GAPVD1: variants seen among roughly 807,000 people sequenced by gnomAD.
The protein encoded by GAPVD1 is GTPase activating protein and VPS9 domains 1.
In GAPVD1, 35 loss-of-function variants were observed where a neutral mutation model predicts 155.5. The ratio of observed to expected loss-of-function variants is 0.23; its 90% CI spans 0.17 to 0.30. The LOEUF (loss-of-function observed/expected upper bound fraction) is 0.30, where lower values mean the gene tolerates loss of function less well. GAPVD1 is among the 10% of genes least tolerant of loss of function. The pLI, the probability that GAPVD1 is intolerant of heterozygous loss-of-function variation, is 1.00. For synonymous variants in GAPVD1, 636 were observed against 619.7 expected, an observed-to-expected ratio of 1.03 and a Z score of -0.39; for missense variants, 1,429 against 1,775.7, an observed-to-expected ratio of 0.80 and a Z score of 3.51.
chr9:125,308,715 G>A (rs1415794110), intron 8 of GAPVD1: 1 of 152,208 alleles, frequency 6.6e-6, no homozygotes, highest in Non-Finnish European at 1.5e-5. Context: ...AGTCCTGTGA[G>A]AGTGGATGTG....
intron 1 of GAPVD1, among the ~76,000 whole-genome samples, chr9:125,267,006 G>A (rs1409349627): frequency 1.3e-5 from 2 of 152,026 alleles, no homozygotes; most frequent in Non-Finnish European, 2.9e-5. Context: ...CGCCTGCCTC[G>A]GCCTCCCCAA....
chr9:125,293,855 TATATATATATA>T (rs1564310939), intron 2 of GAPVD1, among the ~76,000 whole-genome samples: 5 of 4,224 alleles, frequency 1.2e-3, no homozygotes, highest in African/African-American at 6.0e-3. Flanking sequence ...ATATATTTTA[TATATATATATA>T]TATATATATA....
chr9:125,322,030 G>C (rs1844393902), intron 10 of GAPVD1, among the ~76,000 whole-genome samples: 1 of 152,038 alleles, frequency 6.6e-6, no homozygotes, highest in Non-Finnish European at 1.5e-5. Context: ...TCAAAGCCAA[G>C]ATTGTGAAAT....
In GAPVD1 at chr9:125,364,636, TCTGC is replaced by T. The variant is rs1028054142; in HGVS notation, c.*1893_*1896del. 6 of 152,270 alleles carry T rather than the reference TCTGC, an allele frequency of 3.9e-5. No homozygotes were observed. The highest frequency in any genetic ancestry group is 1.4e-4 in the African/African-American group (6 of 41,460). The allele number at this position is 152,270 out of a possible 1,614,324, so 9.4% of individuals were successfully genotyped here. A position where few individuals can be genotyped will look rare whatever the true frequency, so the allele number is the denominator to read the frequency against. On this transcript the variant is annotated 3_prime_UTR_variant, in exon 28 of 28. Transcript: ENST00000297933. ...TTGCATAGGAGTGTGGGATGTGGTT[TCTGC>T]CTTCTAGAGAGAGATCAGAATTAAA... is the stretch of plus-strand genomic sequence containing the variant.
At chr9:125,355,383 C>T (rs1352030383) in intron 24 of GAPVD1, among the ~76,000 whole-genome samples, 2 of 152,180 alleles carry the variant, frequency 1.3e-5, no homozygotes, top group African/African-American at 2.4e-5. Flanking sequence ...GGATTACAGG[C>T]GTGAGCCACT....
rs139306682 is a variant in GAPVD1 at position 125,299,775 on chromosome 9, C to G, written c.185+669C>G. The stretch of plus-strand genomic sequence containing the variant: ...GTGGCTGACACCTGTAATCCTAGCA[C>G]TTTGGGAGGCCGAGGTGGGTGGATC... On this transcript the variant is annotated intron_variant, in intron 4 of 27. Transcript: ENST00000297933. Among the ~76,000 whole-genome samples, 751 of 150,308 alleles carry G rather than the reference C, an allele frequency of 5.0e-3. 9 individuals carry two copies. The highest frequency in any genetic ancestry group is 0.017 in the African/African-American group (705 of 40,950).
intron 19 of GAPVD1, 64 bp downstream of exon 19, chr9:125,342,363 T>G: frequency 4.4e-6 from 4 of 913,468 alleles, no homozygotes; most frequent in Non-Finnish European, 7.3e-6. Context: ...TAACACTTTT[T>G]CTTGGGTGCC....
At chr9:125,358,821 A>G (rs1850497928) in intron 25 of GAPVD1, among the ~76,000 whole-genome samples, 1 of 151,200 alleles carries the variant, frequency 6.6e-6, no homozygotes, top group Admixed American at 6.6e-5. Context: ...ACTTTGAAGG[A>G]GATTATTTTT....
intron 5 of GAPVD1, among the ~76,000 whole-genome samples, 184 bp downstream of exon 5, chr9:125,303,010 G>A (rs535263272): frequency 5.3e-5 from 8 of 151,956 alleles, no homozygotes; most frequent in African/African-American, 1.9e-4. Context: ...AAATTATTGC[G>A]GTCACAAAAC....
intron 6 of GAPVD1, among the ~76,000 whole-genome samples, chr9:125,306,998 G>T (rs1841934266): frequency 6.6e-6 from 1 of 151,982 alleles, no homozygotes; most frequent in Non-Finnish European, 1.5e-5. Flanking sequence ...AGGCGGGGTG[G>T]CTCACATTTG....
intron 8 of GAPVD1, among the ~76,000 whole-genome samples, 195 bp from the exon 9 acceptor site, chr9:125,312,257 A>G (rs1842770647): frequency 6.6e-6 from 1 of 152,032 alleles, no homozygotes; most frequent in African/African-American, 2.4e-5. Flanking sequence ...TTGAAGGAGA[A>G]TCTTTATTAG....
intron 1 of GAPVD1, among the ~76,000 whole-genome samples, chr9:125,265,954 G>T (rs978132977): frequency 6.8e-6 from 1 of 146,908 alleles, no homozygotes; most frequent in African/African-American, 2.5e-5. Context: ...AACTGCTACC[G>T]GTTACTGTTA....
At position 125,355,945 on chromosome 9, in the gene GAPVD1, T is replaced by TA. The variant is rs1850016866; in HGVS notation, c.3971+89dup. On this transcript the variant is annotated intron_variant, in intron 25 of 27. Transcript: ENST00000297933. ...TTTTAGGCAAGCTATACGTGTAACT[T>TA]AGTGTCTGATTGTAAAAGGAAATTC... is the stretch of plus-strand genomic sequence containing the variant. 3 of 733,886 alleles carry TA rather than the reference T, an allele frequency of 4.1e-6. No individual in the cohort carries two copies. In the Admixed American group the frequency reaches 6.5e-5, roughly 16 times the overall value. The allele number at this position is 733,886 out of a possible 1,614,324, so 45.5% of individuals were successfully genotyped here. A position where few individuals can be genotyped will look rare whatever the true frequency, so the allele number is the denominator to read the frequency against.
At chr9:125,332,375 A>T in intron 14 of GAPVD1, 135 bp from the exon 15 acceptor site, 2 of 675,108 alleles carry the variant, frequency 3.0e-6, no homozygotes, top group Non-Finnish European at 5.0e-6. Flanking sequence ...ACCATAAAGG[A>T]TATAATACTA....
Position 125,330,229 on chromosome 9 carries a change from T to C in GAPVD1, c.2173+11T>C. Reference sequence around the variant, plus strand: ...TGCCAAGTGACTCAGGTTAGTATGCTGTCATTGTTTGCTTTTTCATTTATA... The same window carrying C: ...TGCCAAGTGACTCAGGTTAGTATGCCGTCATTGTTTGCTTTTTCATTTATA... On this transcript the variant is annotated intron_variant, in intron 13 of 27. Transcript: ENST00000297933. 6.4e-7 allele frequency: 1 copy of C among 1,560,870 alleles called. No homozygotes were observed. Among genetic ancestry groups the C allele is most frequent in the Non-Finnish European group, 8.7e-7 (1 of 1,150,740 alleles).
At chr9:125,288,188 T>C (rs937293587) in intron 2 of GAPVD1, among the ~76,000 whole-genome samples, 4 of 151,404 alleles carry the variant, frequency 2.6e-5, no homozygotes, top group African/African-American at 9.7e-5. Flanking sequence ...CTCGGCTCAC[T>C]GCAACCTCCT....
chr9:125,306,193 C>T (rs903919208), intron 6 of GAPVD1, among the ~76,000 whole-genome samples: 20 of 151,118 alleles, frequency 1.3e-4, no homozygotes, highest in South Asian at 1.0e-3. Flanking sequence ...CACAGAGGTT[C>T]GCTGTTGTCA....
chr9:125,323,336 C>T (rs888734908), intron 10 of GAPVD1, among the ~76,000 whole-genome samples: 6 of 150,394 alleles, frequency 4.0e-5, no homozygotes, highest in African/African-American at 7.4e-5. Context: ...GATGGAGTCT[C>T]GCTCTGTCGC....
At chr9:125,270,445 A>C (rs1254235189) in intron 2 of GAPVD1, among the ~76,000 whole-genome samples, 1 of 152,034 alleles carries the variant, frequency 6.6e-6, no homozygotes, top group African/African-American at 2.4e-5. Context: ...ACAAAAACAA[A>C]AGAATCTTTC....
Sources: gnomAD v4.1 joint callset for allele counts (sites outside exome capture counted in the v4.1 genomes callset) on GRCh38, gnomAD v4.1.1 for gene constraint, MANE v1.5 for transcripts, NCBI Gene and HGNC (gene_info 2026-07-23, HGNC 2026-07-21) for gene names.